Variants in DCC observed in about 807,000 individuals in gnomAD.
DCC encodes the protein netrin receptor DCC.
In DCC, 58 loss-of-function variants were observed where a neutral mutation model predicts 172.5. The ratio of observed to expected loss-of-function variants is 0.34; its 90% CI spans 0.27 to 0.42. The LOEUF is 0.42. DCC is among the 10% of genes least tolerant of loss of function. The pLI is 1.00. For synonymous variants in DCC, 709 were observed against 644.5 expected (o/e 1.10, Z -1.52); for missense variants, 1,740 against 1,791.0 (o/e 0.97, Z 0.51).
chr18:52,846,847 C>A (rs1306178989), intron 2 of DCC, among the ~76,000 whole-genome samples: 1 of 152,078 alleles, frequency 6.6e-6, no homozygotes, highest in Non-Finnish European at 1.5e-5. Flanking sequence ...TGGATATTCA[C>A]CAGAAATCTG....
At chr18:53,411,293 A>G (rs1248574577) in intron 20 of DCC, among the ~76,000 whole-genome samples, 1 of 152,186 alleles carries the variant, frequency 6.6e-6, no homozygotes, top group African/African-American at 2.4e-5. Flanking sequence ...GTCATTTAAC[A>G]ATTGAAAATA....
In DCC at chr18:53,023,401, C is replaced by CAAAA. The variant is rs869070422; in HGVS notation, c.986-39879_986-39876dup. Among the ~76,000 whole-genome samples the CAAAA allele has an allele frequency of 3.4e-3, 82 of 24,408 alleles. 9 individuals are homozygous for CAAAA. The highest frequency in any genetic ancestry group is 0.013 in the African/African-American group (69 of 5,180). The allele number at this position is 24,408 out of a possible 152,430, so 16.0% of individuals were successfully genotyped here. ...GGACAAACACATATATAACTCAGAC[C>CAAAA]AAAAAAAAAAAAAAAAAAAAAAAAA... On this transcript the variant is annotated intron_variant, in intron 5 of 28. Coordinates refer to ENST00000442544, the MANE Select transcript of DCC (RefSeq NM_005215.4).
At chr18:52,737,411 AT>A (rs1171728103) in intron 1 of DCC, among the ~76,000 whole-genome samples, 3 of 152,160 alleles carry the variant, frequency 2.0e-5, no homozygotes, top group South Asian at 2.1e-4. Flanking sequence ...CACTGCCTTT[AT>A]TTCAAGAAGA....
chr18:53,125,175 T>A (rs537944132), intron 7 of DCC, among the ~76,000 whole-genome samples: 1 of 152,204 alleles, frequency 6.6e-6, no homozygotes, highest in East Asian at 1.9e-4. Flanking sequence ...ATCTGGCACA[T>A]AATAATTTGC....
chr18:52,827,118 T>C (rs1448810193), intron 2 of DCC, among the ~76,000 whole-genome samples: 1 of 152,130 alleles, frequency 6.6e-6, no homozygotes, highest in East Asian at 1.9e-4. Flanking sequence ...ACGTGAATGA[T>C]CAGTCTAGCA....
intron 1 of DCC, among the ~76,000 whole-genome samples, chr18:52,573,400 A>G (rs1036221137): frequency 6.6e-6 from 1 of 152,152 alleles, no homozygotes; most frequent in African/African-American, 2.4e-5. Context: ...CCTGCAGTAA[A>G]AAGGACCATT....
chr18:52,931,077 A>G (rs1283239876), intron 5 of DCC, among the ~76,000 whole-genome samples: 1 of 151,980 alleles, frequency 6.6e-6, no homozygotes, highest in African/African-American at 2.4e-5. Flanking sequence ...CATGGACTTT[A>G]TATCATTTAT....
chr18:53,526,708 A>G lies in DCC; in HGVS notation c.4203A>G (p.Thr1401=). ...RSPLLPVSVP[T]APEVSEESHK... ...CTTTGCTTCCTGTGTCTGTGCCAAC[A>G]GCCCCTGAAGTGTCTGAGGAGAGCC... The change falls in exon 28 of 29, where the codon ACA becomes ACG. Residue 1401 remains threonine, a synonymous_variant. Transcript: ENST00000442544. 1 of 1,613,592 alleles carries G rather than the reference A, an allele frequency of 6.2e-7. No homozygotes were observed. The highest frequency in any genetic ancestry group is 8.5e-7 in the Non-Finnish European group (1 of 1,179,692).
At chr18:53,120,021 C>T (rs746073344) in intron 7 of DCC, among the ~76,000 whole-genome samples, 2 of 151,766 alleles carry the variant, frequency 1.3e-5, no homozygotes, top group Non-Finnish European at 2.9e-5. Context: ...AGTCTCATTA[C>T]CCTGAAATTT....
chr18:53,011,814 G>C (rs565900142), intron 5 of DCC, among the ~76,000 whole-genome samples: 75 of 151,408 alleles, frequency 5.0e-4, no homozygotes, highest in African/African-American at 1.7e-3. Flanking sequence ...ATATGGCACA[G>C]GTTTATCCAG....
chr18:53,349,702 T>C (rs770097067), intron 15 of DCC, among the ~76,000 whole-genome samples: 1 of 152,184 alleles, frequency 6.6e-6, no homozygotes, highest in African/African-American at 2.4e-5. Context: ...AAAAGAGAGC[T>C]TGTGCATAGA....
chr18:52,438,013 A>G (rs988448961), intron 1 of DCC, among the ~76,000 whole-genome samples: 4 of 152,232 alleles, frequency 2.6e-5, no homozygotes, highest in African/African-American at 9.6e-5. Flanking sequence ...ATTAAGAGCC[A>G]ATGGAAAAAT....
intron 1 of DCC, among the ~76,000 whole-genome samples, chr18:52,583,741 G>T (rs889803891): frequency 1.3e-5 from 2 of 152,266 alleles, no homozygotes; most frequent in Non-Finnish European, 1.5e-5. Context: ...AGTAATTCTG[G>T]TTGTTACAGA....
chr18:52,546,220 G>A (rs963954575), intron 1 of DCC, among the ~76,000 whole-genome samples: 3 of 152,212 alleles, frequency 2.0e-5, no homozygotes, highest in Admixed American at 6.5e-5. Context: ...ATAAGATCAC[G>A]TTAGCAAAGT....
intron 5 of DCC, among the ~76,000 whole-genome samples, chr18:52,953,161 T>C (rs1430314080): frequency 2.0e-5 from 3 of 152,160 alleles, no homozygotes; most frequent in East Asian, 1.9e-4. Flanking sequence ...AAAGAAGATA[T>C]GCTTATCAAA....
intron 7 of DCC, among the ~76,000 whole-genome samples, chr18:53,132,812 G>T (rs1055022228): frequency 1.3e-5 from 2 of 152,100 alleles, no homozygotes; most frequent in Non-Finnish European, 2.9e-5. Context: ...ACTGATTTAT[G>T]GAGAAGGACC....
At chr18:52,957,712 T>G (rs1357779169) in intron 5 of DCC, among the ~76,000 whole-genome samples, 1 of 152,040 alleles carries the variant, frequency 6.6e-6, no homozygotes, top group African/African-American at 2.4e-5. Flanking sequence ...GCAAGATCTG[T>G]GGGAATAGCA....
At chr18:53,145,029 G>A (rs2043884966) in intron 7 of DCC, among the ~76,000 whole-genome samples, 1 of 145,704 alleles carries the variant, frequency 6.9e-6, no homozygotes, top group Non-Finnish European at 1.5e-5. Context: ...TAAAATTCAT[G>A]TTGAAACTTA....
At chr18:53,075,917 T>C (rs1262519700) in intron 7 of DCC, among the ~76,000 whole-genome samples, 1 of 152,152 alleles carries the variant, frequency 6.6e-6, no homozygotes, top group Non-Finnish European at 1.5e-5. Flanking sequence ...TAAATTCCTC[T>C]TACTCTCAGC....
Sources: allele counts gnomAD v4.1 joint callset (sites outside exome capture counted in the v4.1 genomes callset), GRCh38; gene constraint gnomAD v4.1.1; transcripts MANE v1.5; gene names NCBI Gene and HGNC (gene_info 2026-07-23, HGNC 2026-07-21).